CRYBG1: variants seen among roughly 807,000 people sequenced by gnomAD.
The protein encoded by CRYBG1 is beta/gamma crystallin domain-containing protein 1.
In CRYBG1, 139 loss-of-function variants were observed where a neutral mutation model predicts 189.2. That is an observed-to-expected ratio of 0.73 (90% CI 0.64 to 0.85). CRYBG1 has a LOEUF of 0.85. Among genes scored for constraint, CRYBG1 ranks in the 40% least tolerant of loss-of-function variants. The pLI, the probability that CRYBG1 is intolerant of heterozygous loss-of-function variation, is 0.00. For synonymous variants in CRYBG1, 1,023 were observed against 1,017.1 expected (o/e 1.01, Z -0.11); for missense variants, 2,611 against 2,675.8 (o/e 0.98, Z 0.53).
chr6:106,449,517 C>A (rs1771735757), intron 1 of CRYBG1: 1 of 152,226 alleles, frequency 6.6e-6, no homozygotes, highest in South Asian at 2.1e-4. Flanking sequence ...TCCTAGGAGT[C>A]TTCTCTTGTT....
At chr6:106,493,385 T>C (rs1378857543) in intron 2 of CRYBG1, among the ~76,000 whole-genome samples, 1 of 152,216 alleles carries the variant, frequency 6.6e-6, no homozygotes, top group Non-Finnish European at 1.5e-5. Flanking sequence ...TCTTATGCAC[T>C]GTTACTGGGA....
intron 8 of CRYBG1, among the ~76,000 whole-genome samples, chr6:106,537,246 T>C (rs1219826599): frequency 3.3e-5 from 5 of 152,224 alleles, no homozygotes; most frequent in Admixed American, 3.3e-4. Context: ...TCGGTAAGAA[T>C]CATTTCAAAA....
At chr6:106,557,707 A>G (rs936921406) in intron 17 of CRYBG1, among the ~76,000 whole-genome samples, 3 of 152,220 alleles carry the variant, frequency 2.0e-5, no homozygotes, top group Non-Finnish European at 4.4e-5. Flanking sequence ...TGCTGGGATG[A>G]CAGGCGTAAG....
At chr6:106,439,722 G>C (rs1158806452) in intron 1 of CRYBG1, among the ~76,000 whole-genome samples, 5 of 150,262 alleles carry the variant, frequency 3.3e-5, no homozygotes, top group Non-Finnish European at 7.4e-5. Context: ...AACTTGTTTT[G>C]TATCATCCCT....
At chr6:106,523,507 TA>T (rs1163375702) in intron 4 of CRYBG1, among the ~76,000 whole-genome samples, 1 of 152,096 alleles carries the variant, frequency 6.6e-6, no homozygotes, top group African/African-American at 2.4e-5. Context: ...AAAGGAAAAA[TA>T]AAATCTTTAT....
chr6:106,521,971 G>T (rs1378118426), intron 4 of CRYBG1, among the ~76,000 whole-genome samples: 1 of 152,110 alleles, frequency 6.6e-6, no homozygotes. Context: ...CTGACCTCGT[G>T]ATCCATCTGC....
intron 1 of CRYBG1, among the ~76,000 whole-genome samples, chr6:106,361,569 A>G (rs1470582486): frequency 1.3e-5 from 2 of 152,302 alleles, no homozygotes; most frequent in Admixed American, 1.3e-4. Flanking sequence ...AGGAAGTGGC[A>G]GGAATGGTTA....
intron 10 of CRYBG1, among the ~76,000 whole-genome samples, chr6:106,542,573 C>T (rs1477348481): frequency 6.7e-6 from 1 of 148,466 alleles, no homozygotes; most frequent in Non-Finnish European, 1.5e-5. Flanking sequence ...AGCCACTGTG[C>T]CTGGCCTAGT....
chr6:106,451,559 T>G, intron 1 of CRYBG1, 135 bp from the exon 2 acceptor site: 2 of 865,202 alleles, frequency 2.3e-6, no homozygotes, highest in Non-Finnish European at 3.3e-6. Flanking sequence ...CAACGCCGTG[T>G]AGGTTTTGAA....
chr6:106,433,731 A>ATATATATATGTG (rs1554235092), intron 1 of CRYBG1, among the ~76,000 whole-genome samples: 1 of 53,358 alleles, frequency 1.9e-5, no homozygotes, highest in African/African-American at 8.4e-5. Context: ...ATATATATAT[A>ATATATATATGTG]TATACATATA....
intron 3 of CRYBG1, among the ~76,000 whole-genome samples, chr6:106,515,116 G>C (rs1014375138): frequency 6.6e-6 from 1 of 152,170 alleles, no homozygotes; most frequent in Non-Finnish European, 1.5e-5. Context: ...TATGCTGTTA[G>C]AAAAATTATT....
intron 18 of CRYBG1, among the ~76,000 whole-genome samples, chr6:106,559,361 T>C (rs1774643193): frequency 6.6e-6 from 1 of 152,222 alleles, no homozygotes; most frequent in African/African-American, 2.4e-5. Flanking sequence ...GAATAAGATA[T>C]AAAAATGAAT....
intron 17 of CRYBG1, 83 bp downstream of exon 17, chr6:106,555,980 A>T: frequency 6.6e-7 from 1 of 1,504,378 alleles, no homozygotes; most frequent in Non-Finnish European, 9.2e-7. Context: ...AGCCGGTAGA[A>T]CCTGCTCTTA....
chr6:106,568,314 G>A (rs1290684861), intron 21 of CRYBG1, among the ~76,000 whole-genome samples, 158 bp from the exon 22 acceptor site: 1 of 152,204 alleles, frequency 6.6e-6, no homozygotes, highest in African/African-American at 2.4e-5. Flanking sequence ...CATCCCACAG[G>A]GGCCCAGGCT....
At chr6:106,464,530 C>T (rs1292971042) in intron 2 of CRYBG1, among the ~76,000 whole-genome samples, 1 of 150,500 alleles carries the variant, frequency 6.6e-6, no homozygotes, top group Non-Finnish European at 1.5e-5. Context: ...ACATGCTATT[C>T]ATGGAATAAG....
chr6:106,486,522 A>G (rs1248017138), intron 2 of CRYBG1, among the ~76,000 whole-genome samples: 4 of 152,132 alleles, frequency 2.6e-5, no homozygotes, highest in Non-Finnish European at 5.9e-5. Flanking sequence ...CGTTGTTGAA[A>G]GTGTAGTGTT....
chr6:106,557,554 G>A (rs1418248083), intron 17 of CRYBG1, among the ~76,000 whole-genome samples: 3 of 152,086 alleles, frequency 2.0e-5, no homozygotes, highest in Non-Finnish European at 2.9e-5. Context: ...GGGATTACAA[G>A]CATGCACCAC....
intron 1 of CRYBG1, among the ~76,000 whole-genome samples, chr6:106,410,299 A>G (rs754390398): frequency 2.0e-5 from 3 of 152,238 alleles, no homozygotes; most frequent in Non-Finnish European, 4.4e-5. Flanking sequence ...GTCATTAGAG[A>G]AATGCAAATC....
intron 1 of CRYBG1, among the ~76,000 whole-genome samples, chr6:106,443,512 A>T (rs1230602087): frequency 6.6e-6 from 1 of 152,186 alleles, no homozygotes; most frequent in Non-Finnish European, 1.5e-5. Flanking sequence ...GCATCCCTGC[A>T]ATAGGTCCAA....
Sources: allele counts gnomAD v4.1 joint callset (sites outside exome capture counted in the v4.1 genomes callset), GRCh38; gene constraint gnomAD v4.1.1; transcripts MANE v1.5; gene names NCBI Gene and HGNC (gene_info 2026-07-23, HGNC 2026-07-21).